Variants in RBFOX3 observed in about 807,000 individuals in gnomAD.
RBFOX3 encodes RNA binding protein fox-1 homolog 3.
Under a neutral mutation model 48.7 loss-of-function variants are expected in RBFOX3, and 17 were observed. That is an observed-to-expected ratio of 0.35 (90% CI 0.24 to 0.52). The LOEUF (loss-of-function observed/expected upper bound fraction) is 0.52, where lower values mean the gene tolerates loss of function less well. RBFOX3 is among the 20% of genes least tolerant of loss of function. The pLI is 0.94. For synonymous variants in RBFOX3, 212 were observed against 209.5 expected (o/e 1.01, Z -0.10); for missense variants, 382 against 497.5 (o/e 0.77, Z 2.21).
At chr17:79,378,649 G>A (rs1264005156) in intron 2 of RBFOX3, among the ~76,000 whole-genome samples, 2 of 152,068 alleles carry the variant, frequency 1.3e-5, no homozygotes, top group Admixed American at 6.6e-5. Context: ...ACCTCCTCTC[G>A]CTCTCCTGCT....
Position 79,333,536 on chromosome 17 carries a change from C to T in RBFOX3, c.-174-25712G>A, listed in dbSNP as rs558791333. On this transcript the variant is annotated intron_variant, in intron 2 of 14. Transcript: ENST00000693108. ...CTTCAGAGGCTGCAAGTGAAAACCTCGCTCAGAGCCACCCAACCTCAGCAT... is the reference window on the plus strand; with the variant it reads ...CTTCAGAGGCTGCAAGTGAAAACCTTGCTCAGAGCCACCCAACCTCAGCAT... 7.2e-5 allele frequency among the ~76,000 whole-genome samples: 11 copies of T among 152,298 alleles called. No individual in the cohort carries two copies. In the South Asian group the frequency reaches 1.9e-3, roughly 26 times the overall value.
chr17:79,260,985 T>TTCCC (rs778125067), intron 3 of RBFOX3, among the ~76,000 whole-genome samples: 1 of 152,048 alleles, frequency 6.6e-6, no homozygotes, highest in African/African-American at 2.4e-5. Context: ...ATCCATGTGT[T>TTCCC]TCCCTCCCTC....
At chr17:79,146,321 T>A (rs1337332759) in intron 4 of RBFOX3, among the ~76,000 whole-genome samples, 1 of 152,170 alleles carries the variant, frequency 6.6e-6, no homozygotes, top group African/African-American at 2.4e-5. Flanking sequence ...TGACCCAGCC[T>A]GGCAGTAGTG....
chr17:79,594,091 C>T (rs1272412427), intron 1 of RBFOX3, among the ~76,000 whole-genome samples: 1 of 152,120 alleles, frequency 6.6e-6, no homozygotes, highest in East Asian at 1.9e-4. Context: ...GACAGTCCCT[C>T]CTGCATTCTC....
At chr17:79,151,043 G>A (rs908375328) in intron 4 of RBFOX3, among the ~76,000 whole-genome samples, 2 of 152,216 alleles carry the variant, frequency 1.3e-5, no homozygotes, top group African/African-American at 4.8e-5. Flanking sequence ...CGCTCCGCAA[G>A]TGCTCAGCAC....
chr17:79,248,534 C>T (rs2063489769), intron 3 of RBFOX3, among the ~76,000 whole-genome samples: 4 of 152,326 alleles, frequency 2.6e-5, no homozygotes, highest in South Asian at 2.1e-4. Context: ...GTCATTTCCA[C>T]GTGTTAAACT....
At chr17:79,515,063 C>T (rs2085047547) in intron 1 of RBFOX3, among the ~76,000 whole-genome samples, 1 of 152,188 alleles carries the variant, frequency 6.6e-6, no homozygotes, top group Non-Finnish European at 1.5e-5. Context: ...CAGAAGTTGG[C>T]CTCTGCCTGG....
intron 3 of RBFOX3, among the ~76,000 whole-genome samples, chr17:79,244,651 GTTA>G (rs1198990703): frequency 5.3e-5 from 8 of 152,068 alleles, no homozygotes; most frequent in Non-Finnish European, 7.4e-5. Context: ...TCTCCATGAT[GTTA>G]TTCCTGACCA....
rs1457754902 is a variant in RBFOX3 at position 79,575,307 on chromosome 17, C to T, written c.-320+35519G>A. Among the ~76,000 whole-genome samples, 10 of 151,964 alleles carry T rather than the reference C, an allele frequency of 6.6e-5. No individual in the cohort carries two copies. The South Asian group carries it at 8.3e-4, about 13-fold the overall frequency. On this transcript the variant is annotated intron_variant, in intron 1 of 14. Coordinates refer to ENST00000693108, the MANE Select transcript of RBFOX3 (RefSeq NM_001350451.2). Reference sequence around the variant, plus strand: ...GGGCTCTTGAGTTAAGGGGCAGGAACGAGTACATGGGATAGGGGGGCAGAG... The same window carrying T: ...GGGCTCTTGAGTTAAGGGGCAGGAATGAGTACATGGGATAGGGGGGCAGAG...
chr17:79,325,429 GA>G (rs1375384402), intron 2 of RBFOX3, among the ~76,000 whole-genome samples: 1 of 152,146 alleles, frequency 6.6e-6, no homozygotes, highest in Non-Finnish European at 1.5e-5. Context: ...GCACTGTGGG[GA>G]AATCTACTTA....
chr17:79,116,063 A>G (rs1388500756), intron 4 of RBFOX3, among the ~76,000 whole-genome samples: 1 of 152,182 alleles, frequency 6.6e-6, no homozygotes. Context: ...AAAATTAACC[A>G]TTTTAAGGTA....
At chr17:79,357,959 A>AT (rs2085533631) in intron 2 of RBFOX3, among the ~76,000 whole-genome samples, 2 of 147,810 alleles carry the variant, frequency 1.4e-5, no homozygotes, top group South Asian at 2.1e-4. Flanking sequence ...TTATTATTAT[A>AT]TATTATTATT....
chr17:79,372,407 C>T, intron 2 of RBFOX3, among the ~76,000 whole-genome samples: 1 of 147,942 alleles, frequency 6.8e-6, no homozygotes, highest in Admixed American at 6.8e-5. Context: ...TGGGCTCCCC[C>T]ATCCTATGGC....
the RBFOX3 span, among the ~76,000 whole-genome samples, chr17:79,620,691 G>A: frequency 6.7e-6 from 1 of 149,672 alleles, no homozygotes; most frequent in Non-Finnish European, 1.5e-5. Flanking sequence ...ATGCACACAT[G>A]TGCCCATGCC....
At chr17:79,188,964 A>T (rs977975989) in intron 4 of RBFOX3, among the ~76,000 whole-genome samples, 16 of 152,226 alleles carry the variant, frequency 1.1e-4, no homozygotes, top group Admixed American at 9.2e-4. Flanking sequence ...CTTCAGTGCC[A>T]GCTGTGGCCA....
chr17:79,207,686 G>C (rs576908940), intron 4 of RBFOX3, among the ~76,000 whole-genome samples: 2 of 152,184 alleles, frequency 1.3e-5, no homozygotes, highest in Non-Finnish European at 2.9e-5. Context: ...CCTTTTCTAG[G>C]GGGGTGTCTG....
intron 1 of RBFOX3, among the ~76,000 whole-genome samples, chr17:79,533,857 C>T (rs2088252560): frequency 6.6e-6 from 1 of 152,142 alleles, no homozygotes; most frequent in African/African-American, 2.4e-5. Flanking sequence ...ACCCATAATC[C>T]CACTAACCCG....
chr17:79,175,396 A>G (rs957617246), intron 4 of RBFOX3, among the ~76,000 whole-genome samples: 1 of 152,260 alleles, frequency 6.6e-6, no homozygotes, highest in African/African-American at 2.4e-5. Context: ...AGTCCCTGTC[A>G]TAACGGCTTC....
chr17:79,305,268 C>T (rs992875800), intron 3 of RBFOX3, among the ~76,000 whole-genome samples: 3 of 152,008 alleles, frequency 2.0e-5, no homozygotes, highest in Non-Finnish European at 4.4e-5. Context: ...ACCCTGCGGC[C>T]GGCCAAGCCC....
Sources: allele counts gnomAD v4.1 joint callset (sites outside exome capture counted in the v4.1 genomes callset), GRCh38; gene constraint gnomAD v4.1.1; transcripts MANE v1.5; gene names NCBI Gene and HGNC (gene_info 2026-07-23, HGNC 2026-07-21).